DISP1: variants seen among roughly 807,000 people sequenced by gnomAD.
DISP1 encodes dispatched RND transporter family member 1.
A neutral mutation model predicts 37.3 loss-of-function variants in DISP1; 30 were observed. The observed-to-expected ratio is 0.80, with a 90% confidence interval of 0.60 to 1.09. The LOEUF is 1.09. Ranked by LOEUF, DISP1 falls within the 50% of genes least tolerant of loss-of-function variation. The probability of loss-of-function intolerance (pLI) is 0.00; values close to 1 mark genes in which losing one functional copy is unlikely to be tolerated. For missense variants in DISP1, 1,598 were observed against 1,879.5 expected, an observed-to-expected ratio of 0.85 and a Z score of 2.77; for synonymous variants, 634 against 690.2, an observed-to-expected ratio of 0.92 and a Z score of 1.28.
At chr1:222,885,469 CTTTTTT>C (rs759594613) in intron 1 of DISP1, among the ~76,000 whole-genome samples, 1 of 132,862 alleles carries the variant, frequency 7.5e-6, no homozygotes, top group Admixed American at 7.6e-5. Flanking sequence ...GATTTCTTTT[CTTTTTT>C]TTTTTTTTTT....
intron 1 of DISP1, among the ~76,000 whole-genome samples, chr1:222,871,332 T>G (rs1669559717): frequency 6.6e-6 from 1 of 152,152 alleles, no homozygotes; most frequent in African/African-American, 2.4e-5. Flanking sequence ...GTGAAGAAAG[T>G]CATTGGTAGC....
At chr1:222,995,621 A>T (rs1679005792) in intron 8 of DISP1, among the ~76,000 whole-genome samples, 1 of 152,226 alleles carries the variant, frequency 6.6e-6, no homozygotes, top group Non-Finnish European at 1.5e-5. Flanking sequence ...ACATGTCCGC[A>T]TCAGAAAATG....
At chr1:222,840,955 G>A (rs1667580027) in intron 1 of DISP1, among the ~76,000 whole-genome samples, 1 of 152,098 alleles carries the variant, frequency 6.6e-6, no homozygotes, top group Non-Finnish European at 1.5e-5. Context: ...ACAACTTACT[G>A]TCATCAAATT....
At chr1:222,937,251 G>A (rs543191945) in intron 2 of DISP1, among the ~76,000 whole-genome samples, 2 of 150,778 alleles carry the variant, frequency 1.3e-5, no homozygotes, top group South Asian at 2.1e-4. Context: ...CACCACGCTC[G>A]GCTAATTTCT....
chr1:222,997,940 CAA>C (rs1679188691), intron 8 of DISP1, among the ~76,000 whole-genome samples: 1 of 151,916 alleles, frequency 6.6e-6, no homozygotes, highest in African/African-American at 2.4e-5. Context: ...ATCAAAGCCC[CAA>C]AAGTCTACCT....
Position 222,887,563 on chromosome 1 carries a change from A to G in DISP1, c.-158-40867A>G, listed in dbSNP as rs946603709. On this transcript the variant is annotated intron_variant, in intron 1 of 8. Coordinates refer to ENST00000675850, the MANE Select transcript of DISP1 (RefSeq NM_001377229.1). ...CCGGACTGCGGACTGCAGTGGCGCA[A>G]TCTCGGCTCACTGCAAGCTCCGCTT... is the stretch of plus-strand genomic sequence containing the variant. Among the ~76,000 whole-genome samples the G allele has an allele frequency of 1.8e-4, 19 of 105,684 alleles. 1 individual carries two copies. The South Asian group carries it at 3.2e-3, about 18-fold the overall frequency. The allele number at this position is 105,684 out of a possible 152,430, so 69.3% of individuals were successfully genotyped here.
At chr1:222,914,443 G>A (rs17163562) in intron 1 of DISP1, among the ~76,000 whole-genome samples, 99,683 of 151,920 alleles carry the variant, frequency 0.66, 32,876 homozygotes, top group South Asian at 0.75. Context: ...ACAAGATGAT[G>A]TGTTACCAGG....
intron 3 of DISP1, among the ~76,000 whole-genome samples, chr1:222,968,897 C>A (rs988702198): frequency 6.6e-6 from 1 of 151,970 alleles, no homozygotes; most frequent in African/African-American, 2.4e-5. Flanking sequence ...AGTACCATTG[C>A]ACTCCAGCCT....
intron 3 of DISP1, among the ~76,000 whole-genome samples, chr1:222,969,363 T>A: frequency 5.2e-4 from 1 of 1,920 alleles, no homozygotes; most frequent in South Asian, 0.017. Flanking sequence ...AGAGTGAAAC[T>A]TGGTCTCAAA....
In DISP1 at chr1:222,844,687, C is replaced by T. The variant is rs551464411; in HGVS notation, c.-159+29609C>T. Among the ~76,000 whole-genome samples the T allele has an allele frequency of 5.3e-5, 8 of 152,180 alleles. No homozygotes were observed. In the East Asian group the frequency reaches 1.4e-3, roughly 26 times the overall value. On this transcript the variant is annotated intron_variant, in intron 1 of 8. Transcript: ENST00000675850. ...CATGAGCCAATTTTCAAAGCTGTTTCTTAGTGAGACATTGAGTTTTTCTCA... is the reference window on the plus strand; with the variant it reads ...CATGAGCCAATTTTCAAAGCTGTTTTTTAGTGAGACATTGAGTTTTTCTCA...
chr1:222,864,585 A>G lies in DISP1; in HGVS notation c.-159+49507A>G, dbSNP rs183379256. On this transcript the variant is annotated intron_variant, in intron 1 of 8. Transcript: ENST00000675850. ...TCATAAGTAACAATAAAATTGATCT[A>G]TTAAAAATAATTCTTTTGTTTTTGT... Among the ~76,000 whole-genome samples, 1,385 of 152,288 alleles carry G rather than the reference A, an allele frequency of 9.1e-3. 8 individuals are homozygous for G. Among genetic ancestry groups the G allele is most frequent in the Non-Finnish European group, 0.015 (991 of 68,002 alleles).
chr1:222,898,492 G>A (rs941386877), intron 1 of DISP1, among the ~76,000 whole-genome samples: 2 of 150,628 alleles, frequency 1.3e-5, no homozygotes, highest in African/African-American at 4.9e-5. Context: ...ATTCATTCAG[G>A]AATATATTAA....
Position 223,003,169 on chromosome 1 carries a change from C to CCGAA in DISP1, c.1773_1776dup (p.Thr593ArgfsTer31), listed in dbSNP as rs765397650. On this transcript the variant is annotated frameshift_variant, in exon 9 of 9. Coordinates refer to ENST00000675850, the MANE Select transcript of DISP1 (RefSeq NM_001377229.1). LOFTEE classifies it low-confidence loss of function (END_TRUNC). This position sits in a 1 kb window ranked among gnomAD's most constrained non-coding sequence, Gnocchi z 4.3. ...TACACAAAATTTGATAAGCCTCATGCCGAAACCTCAGAAACAGTAAGCATC... is the reference window on the plus strand; with the variant it reads ...TACACAAAATTTGATAAGCCTCATGCCGAACGAAACCTCAGAAACAGTAAGCATC... The CCGAA allele has an allele frequency of 6.2e-7, 1 of 1,614,212 alleles. No homozygotes were observed. The highest frequency in any genetic ancestry group is 8.5e-7 in the Non-Finnish European group (1 of 1,180,030).
At chr1:222,871,972 AATT>A (rs1669612064) in intron 1 of DISP1, among the ~76,000 whole-genome samples, 1 of 152,058 alleles carries the variant, frequency 6.6e-6, no homozygotes, top group Admixed American at 6.5e-5. Flanking sequence ...ATCAATACCT[AATT>A]TATTGAGAGT....
chr1:222,895,308 G>A (rs540736643), intron 1 of DISP1, among the ~76,000 whole-genome samples: 1 of 152,258 alleles, frequency 6.6e-6, no homozygotes, highest in South Asian at 2.1e-4. Flanking sequence ...GTAGACCTTG[G>A]TGCTTTTTTG....
chr1:222,925,530 T>C (rs1350000608), intron 1 of DISP1, among the ~76,000 whole-genome samples: 6 of 152,178 alleles, frequency 3.9e-5, no homozygotes, highest in African/African-American at 1.4e-4. Context: ...CAGCATACCC[T>C]AAGATTTTAG....
Position 222,998,920 on chromosome 1 carries a change from G to A in DISP1, c.988-3465G>A, listed in dbSNP as rs971152290. Among the ~76,000 whole-genome samples the A allele has an allele frequency of 7.2e-5, 11 of 152,030 alleles. 1 individual carries two copies. Among genetic ancestry groups the A allele is most frequent in the South Asian group, 4.1e-4 (2 of 4,822 alleles). Reference sequence around the variant, plus strand: ...GAGCCCTTGCTTTTTCTTTTCTCCCGAGGCTCCCCTTAAACGTTTAATACA... The same window carrying A: ...GAGCCCTTGCTTTTTCTTTTCTCCCAAGGCTCCCCTTAAACGTTTAATACA... On this transcript the variant is annotated intron_variant, in intron 8 of 8. Coordinates refer to ENST00000675850, the MANE Select transcript of DISP1 (RefSeq NM_001377229.1).
intron 1 of DISP1, among the ~76,000 whole-genome samples, chr1:222,821,982 C>T (rs965982246): frequency 1.4e-4 from 21 of 152,142 alleles, no homozygotes; most frequent in African/African-American, 2.4e-4. Context: ...CTTCACCTTC[C>T]ACCATGATTG....
chr1:222,893,809 G>A lies in DISP1; in HGVS notation c.-158-34621G>A, dbSNP rs1329134749. On this transcript the variant is annotated intron_variant, in intron 1 of 8. Transcript: ENST00000675850. The surrounding 1 kb of genome is among the most constrained non-coding windows in gnomAD (Gnocchi z 4.3). The stretch of plus-strand genomic sequence containing the variant: ...CCACAACGTGGCTAATGGAGTGGGG[G>A]CGTGTTTCAGCCCTGTTTGTGTTAC... Among the ~76,000 whole-genome samples the A allele has an allele frequency of 6.6e-6, 1 of 152,194 alleles. No individual in the cohort carries two copies. The highest frequency in any genetic ancestry group is 1.5e-5 in the Non-Finnish European group (1 of 68,042).
Sources: allele counts gnomAD v4.1 joint callset (sites outside exome capture counted in the v4.1 genomes callset), GRCh38; gene constraint gnomAD v4.1.1; non-coding constraint Gnocchi (gnomAD v3.1); transcripts MANE v1.5; gene names NCBI Gene and HGNC (gene_info 2026-07-23, HGNC 2026-07-21).